Variants in RALGAPA1 observed in about 807,000 individuals in gnomAD.
The protein encoded by RALGAPA1 is ral GTPase-activating protein subunit alpha-1.
A neutral mutation model predicts 269.6 loss-of-function variants in RALGAPA1; 52 were observed. That is an observed-to-expected ratio of 0.19 (90% CI 0.15 to 0.24). The LOEUF (loss-of-function observed/expected upper bound fraction) is 0.24, where lower values mean the gene tolerates loss of function less well. Ranked by LOEUF, RALGAPA1 falls within the 10% of genes least tolerant of loss-of-function variation. The pLI is 1.00. For missense variants in RALGAPA1, 1,917 were observed against 3,013.9 expected, an observed-to-expected ratio of 0.64 and a Z score of 8.52; for synonymous variants, 817 against 1,008.3, an observed-to-expected ratio of 0.81 and a Z score of 3.60.
At chr14:35,620,900 G>T (rs1259669078) in intron 35 of RALGAPA1, among the ~76,000 whole-genome samples, 2 of 152,066 alleles carry the variant, frequency 1.3e-5, no homozygotes, top group Non-Finnish European at 2.9e-5. Context: ...TGCTCATGGA[G>T]AGGAAGAATC....
rs139128661 is a variant in RALGAPA1, at chr14:35,680,564, T to A, written c.4472-2462A>T. 3.8e-4 allele frequency among the ~76,000 whole-genome samples: 57 copies of A among 151,778 alleles called. 1 individual carries two copies. In the East Asian group the frequency reaches 0.01, roughly 27 times the overall value. On this transcript the variant is annotated intron_variant, in intron 21 of 41. Coordinates refer to ENST00000680220, the MANE Select transcript of RALGAPA1 (RefSeq NM_001346249.2). ...CAGCTATCACAGAATCACCAGAGAA[T>A]CACTACTGCCTTTAATTTTATTTAT...
chr14:35,543,533 G>A (rs778575364), intron 41 of RALGAPA1, among the ~76,000 whole-genome samples: 7 of 152,082 alleles, frequency 4.6e-5, no homozygotes, highest in African/African-American at 1.2e-4. Context: ...AAAGGTTAAA[G>A]GCTACCCAAA....
At chr14:35,664,812 T>A (rs570649091) in intron 26 of RALGAPA1, 45 bp from the exon 27 acceptor site, 7 of 1,573,918 alleles carry the variant, frequency 4.4e-6, no homozygotes, top group Non-Finnish European at 5.2e-6. Context: ...ATTGGTGTTA[T>A]GAAATTATCA....
In RALGAPA1 at chr14:35,809,100, G is replaced by A; in HGVS notation, c.-265C>T. 1 of 361,194 alleles carries A rather than the reference G, an allele frequency of 2.8e-6. No individual in the cohort carries two copies. Among genetic ancestry groups the A allele is most frequent in the South Asian group, 6.4e-5 (1 of 15,638 alleles). The allele number at this position is 361,194 out of a possible 1,614,324, so 22.4% of individuals were successfully genotyped here. A position where few individuals can be genotyped will look rare whatever the true frequency, so the allele number is the denominator to read the frequency against. ...TCCCGGCCCTGCACGGAGCGAGGCA[G>A]ACCCGGGCTGGCCGCCTGCCGCCGC... On this transcript the variant is annotated 5_prime_UTR_variant, in exon 1 of 42. Coordinates refer to ENST00000680220, the MANE Select transcript of RALGAPA1 (RefSeq NM_001346249.2).
chr14:35,784,266 A>G (rs1053557179), intron 1 of RALGAPA1, among the ~76,000 whole-genome samples: 6 of 152,232 alleles, frequency 3.9e-5, no homozygotes, highest in Non-Finnish European at 7.3e-5. Flanking sequence ...GGTATAATCC[A>G]TACAATGAAT....
chr14:35,670,512 G>C (rs545883973), intron 26 of RALGAPA1, among the ~76,000 whole-genome samples: 1 of 152,182 alleles, frequency 6.6e-6, no homozygotes, highest in African/African-American at 2.4e-5. Context: ...CAGCATTATT[G>C]CCTTCCTCTC....
At chr14:35,737,759 CAAAAAAAAAAAAAAAAAAAA>C (rs60152249) in intron 12 of RALGAPA1, among the ~76,000 whole-genome samples, 4 of 17,418 alleles carry the variant, frequency 2.3e-4, no homozygotes, top group Admixed American at 1.4e-3. Context: ...AAATCCATCT[CAAAAAAAAAAAAAAAAAAAA>C]AAAAAAAAAA....
At position 35,775,407 on chromosome 14, in the gene RALGAPA1, G is replaced by C. The variant is rs114569493; in HGVS notation, c.217+228C>G. Among the ~76,000 whole-genome samples, 793 of 152,246 alleles carry C rather than the reference G, an allele frequency of 5.2e-3. 7 individuals are homozygous for C. Among genetic ancestry groups the C allele is most frequent in the African/African-American group, 0.018 (748 of 41,532 alleles). On this transcript the variant is annotated intron_variant, in intron 2 of 41. Transcript: ENST00000680220. ...ATGAGGGAACAAATCAACCTGACCA[G>C]TGAAAAAGCAAATCTTCAAGCCATT...
At chr14:35,640,101 G>A (rs955874321) in intron 31 of RALGAPA1, among the ~76,000 whole-genome samples, 18 of 152,038 alleles carry the variant, frequency 1.2e-4, no homozygotes, top group Non-Finnish European at 2.1e-4. Flanking sequence ...TAAGAGGGAA[G>A]TTTATAGCTA....
intron 41 of RALGAPA1, among the ~76,000 whole-genome samples, chr14:35,546,408 T>C (rs1477569258): frequency 2.6e-5 from 4 of 151,866 alleles, no homozygotes; most frequent in Non-Finnish European, 5.9e-5. Flanking sequence ...TGTATACATA[T>C]GTAACTAACC....
chr14:35,662,401 G>A (rs910093143), intron 27 of RALGAPA1, among the ~76,000 whole-genome samples: 2 of 152,140 alleles, frequency 1.3e-5, no homozygotes, highest in Non-Finnish European at 2.9e-5. Flanking sequence ...TGGTGAAAAT[G>A]TAAAAATCGA....
At chr14:35,713,955 C>T (rs1044047314) in intron 16 of RALGAPA1, among the ~76,000 whole-genome samples, 30 of 151,838 alleles carry the variant, frequency 2.0e-4, no homozygotes, top group Admixed American at 1.9e-3. Context: ...ATTAGCCAGG[C>T]GTGGTGGCAG....
At chr14:35,773,526 C>T (rs928366761) in intron 3 of RALGAPA1, among the ~76,000 whole-genome samples, 3 of 151,996 alleles carry the variant, frequency 2.0e-5, no homozygotes, top group Admixed American at 2.0e-4. Flanking sequence ...ATAAGGAATA[C>T]TCCAAAAGGG....
intron 19 of RALGAPA1, 68 bp downstream of exon 19, chr14:35,686,474 A>G: frequency 7.9e-7 from 1 of 1,258,572 alleles, no homozygotes; most frequent in Non-Finnish European, 1.1e-6. Flanking sequence ...ACATATATGT[A>G]CATAGGTATA....
chr14:35,800,210 A>T (rs2141906516), intron 1 of RALGAPA1, among the ~76,000 whole-genome samples: 1 of 152,348 alleles, frequency 6.6e-6, no homozygotes, highest in East Asian at 1.9e-4. Context: ...AAGGACAGAG[A>T]AGACTTGAAC....
At chr14:35,562,795 G>A (rs1377258564) in intron 39 of RALGAPA1, among the ~76,000 whole-genome samples, 1 of 152,008 alleles carries the variant, frequency 6.6e-6, no homozygotes, top group Non-Finnish European at 1.5e-5. Context: ...GCTGAGGTGG[G>A]CGGATCACGA....
chr14:35,678,142 C>A (rs1172192199), intron 21 of RALGAPA1, 40 bp from the exon 22 acceptor site: 1 of 1,560,580 alleles, frequency 6.4e-7, no homozygotes, highest in Admixed American at 2.0e-5. Context: ...AAAGAGTATT[C>A]AATATCCTAC....
chr14:35,572,122 T>C (rs1202857885), intron 38 of RALGAPA1, among the ~76,000 whole-genome samples: 1 of 152,200 alleles, frequency 6.6e-6, no homozygotes, highest in East Asian at 1.9e-4. Context: ...GCTTATTTTT[T>C]TTCAATTTGT....
chr14:35,664,627 C>T lies in RALGAPA1; in HGVS notation c.5328+15G>A. Reference sequence around the variant, plus strand: ...AAATCATTTAAGTGCTAAAAATTAGCATCTCATTTCTTACCTTAACATCTG... The same window carrying T: ...AAATCATTTAAGTGCTAAAAATTAGTATCTCATTTCTTACCTTAACATCTG... On this transcript the variant is annotated intron_variant, in intron 27 of 41. Coordinates refer to ENST00000680220, the MANE Select transcript of RALGAPA1 (RefSeq NM_001346249.2). The T allele has an allele frequency of 6.3e-7, 1 of 1,578,436 alleles. No individual in the cohort carries two copies. The highest frequency in any genetic ancestry group is 8.6e-7 in the Non-Finnish European group (1 of 1,163,792).
Sources: allele counts gnomAD v4.1 joint callset (sites outside exome capture counted in the v4.1 genomes callset), GRCh38; gene constraint gnomAD v4.1.1; transcripts MANE v1.5; gene names NCBI Gene and HGNC (gene_info 2026-07-23, HGNC 2026-07-21).